STPG2: variants seen among roughly 807,000 people sequenced by gnomAD.
STPG2 encodes sperm-tail PG-rich repeat-containing protein 2.
Under a neutral mutation model 54.2 loss-of-function variants are expected in STPG2, and 56 were observed. That is an observed-to-expected ratio of 1.03 (90% CI 0.83 to 1.29). The LOEUF (loss-of-function observed/expected upper bound fraction) is 1.29. STPG2 is among the 50% of genes most tolerant of loss of function. STPG2 has a pLI of 0.00. For missense variants in STPG2, 596 were observed against 544.9 expected, an observed-to-expected ratio of 1.09 and a Z score of -0.93; for synonymous variants, 200 against 181.8, an observed-to-expected ratio of 1.10 and a Z score of -0.81.
intron 8 of STPG2, among the ~76,000 whole-genome samples, chr4:97,849,725 C>T (rs1206164654): frequency 1.3e-5 from 2 of 151,516 alleles, no homozygotes; most frequent in Non-Finnish European, 3.0e-5. Context: ...TATGAGATAC[C>T]ATCTCACACC....
At chr4:97,636,705 T>C (rs1252797948) in intron 10 of STPG2, among the ~76,000 whole-genome samples, 1 of 152,132 alleles carries the variant, frequency 6.6e-6, no homozygotes, top group Non-Finnish European at 1.5e-5. Context: ...CAGAGAAAAC[T>C]ACAAACACCT....
At position 97,548,854 on chromosome 4, in the gene STPG2, G is replaced by A. The variant is rs80022858; in HGVS notation, c.462+163845C>T. The stretch of plus-strand genomic sequence containing the variant: ...ATTTTTATTTACAATTTCTGACATT[G>A]CGCTATACTTAACTATTGACAATTT... On this transcript the variant is annotated intron_variant, in intron 4 of 4. Coordinates refer to the STPG2 transcript ENST00000522676. Among the ~76,000 whole-genome samples, 1,198 of 152,190 alleles carry A rather than the reference G, an allele frequency of 7.9e-3. 13 individuals carry two copies. The highest frequency in any genetic ancestry group is 0.027 in the African/African-American group (1,120 of 41,532).
intron 5 of STPG2, among the ~76,000 whole-genome samples, chr4:98,087,897 T>C (rs1452672773): frequency 6.6e-6 from 1 of 152,196 alleles, no homozygotes; most frequent in Non-Finnish European, 1.5e-5. Context: ...GTTTGGGATT[T>C]AAAATTAATA....
chr4:98,094,005 A>G (rs1220359525), intron 5 of STPG2, among the ~76,000 whole-genome samples: 1 of 152,150 alleles, frequency 6.6e-6, no homozygotes, highest in Admixed American at 6.5e-5. Flanking sequence ...TTTCTAGGCA[A>G]TTCATAGTAG....
chr4:97,908,253 C>T (rs1470422129), intron 8 of STPG2, among the ~76,000 whole-genome samples: 5 of 152,068 alleles, frequency 3.3e-5, no homozygotes, highest in Non-Finnish European at 7.4e-5. Context: ...AGCCAAAAAA[C>T]ACATGAAAAA....
At chr4:97,731,534 C>T (rs965372491) in intron 9 of STPG2, among the ~76,000 whole-genome samples, 9 of 152,102 alleles carry the variant, frequency 5.9e-5, no homozygotes, top group Non-Finnish European at 8.8e-5. Flanking sequence ...CTCATGCTTC[C>T]CCAACCAGGT....
intron 9 of STPG2, among the ~76,000 whole-genome samples, chr4:97,733,943 C>T (rs996016294): frequency 2.0e-5 from 3 of 152,152 alleles, no homozygotes; most frequent in African/African-American, 4.8e-5. Context: ...CAAAATCATG[C>T]CATCTGAAAG....
At chr4:97,906,092 G>C (rs532651897) in intron 8 of STPG2, among the ~76,000 whole-genome samples, 1 of 151,894 alleles carries the variant, frequency 6.6e-6, no homozygotes, top group African/African-American at 2.4e-5. Context: ...TTTTTTGAAA[G>C]GATCAACAAA....
rs140178797 is a variant in STPG2 at position 98,128,399 on chromosome 4, A to G, written c.387+29T>C. 3.8e-4 allele frequency: 571 copies of G among 1,518,058 alleles called. No individual in the cohort carries two copies. In the African/African-American group the frequency reaches 7.4e-3, roughly 20 times the overall value. 94.0% of individuals were successfully genotyped at this position (1,518,058 alleles called of 1,614,324 possible). A position where few individuals can be genotyped will look rare whatever the true frequency, so the allele number is the denominator to read the frequency against. ...TATGTAAATCATAAACAATTTTCCA[A>G]TTGTCAATATGAAATACATTATACT... is the stretch of plus-strand genomic sequence containing the variant. On this transcript the variant is annotated intron_variant, in intron 3 of 10. Transcript: ENST00000295268.
In STPG2 at chr4:97,746,178, T is replaced by C. The variant is rs530729300; in HGVS notation, c.1205-33364A>G. On this transcript the variant is annotated intron_variant, in intron 9 of 10. Transcript: ENST00000295268. Reference sequence around the variant, plus strand: ...AGAATTACAGACAGTATAATTACTTTATTGCTAAGCCTTCTATATATTCTA... The same window carrying C: ...AGAATTACAGACAGTATAATTACTTCATTGCTAAGCCTTCTATATATTCTA... Among the ~76,000 whole-genome samples the C allele has an allele frequency of 2.0e-5, 3 of 151,372 alleles. No individual in the cohort carries two copies. In the South Asian group the frequency reaches 6.2e-4, roughly 31 times the overall value.
intron 10 of STPG2, among the ~76,000 whole-genome samples, chr4:97,597,502 A>AAAATCCAGCAGTGATCAAAAAGC (rs1188357367): frequency 6.6e-5 from 10 of 152,066 alleles, no homozygotes; most frequent in Non-Finnish European, 1.3e-4. Flanking sequence ...TCTAGCAAAG[A>AAAATCCAGCAGTGATCAAAAAGC]AAATCCAGCA....
intron 10 of STPG2, among the ~76,000 whole-genome samples, chr4:97,565,906 C>T (rs1388137233): frequency 6.6e-6 from 1 of 152,204 alleles, no homozygotes; most frequent in African/African-American, 2.4e-5. Flanking sequence ...CTTGAGGAGG[C>T]AGTCTGCCCA....
intron 9 of STPG2, among the ~76,000 whole-genome samples, chr4:97,769,902 T>G (rs114286992): frequency 0.045 from 6,892 of 152,112 alleles, 209 homozygotes; most frequent in Middle Eastern, 0.075. Context: ...TAATAATAAA[T>G]AAATTAACAT....
intron 5 of STPG2, among the ~76,000 whole-genome samples, chr4:98,036,060 G>A (rs1736769092): frequency 6.6e-6 from 1 of 151,790 alleles, no homozygotes; most frequent in Non-Finnish European, 1.5e-5. Flanking sequence ...AAACCTACAT[G>A]TTCTGCACAT....
Position 97,463,138 on chromosome 4 carries a change from C to T in STPG2, c.462+249561G>A, listed in dbSNP as rs188168318. ...TCATGTTTTATTTTTGTTACCCTTG[C>T]TCTTCTGAAATATTATCCAGCTTTC... On this transcript the variant is annotated intron_variant, in intron 4 of 4. Coordinates refer to the STPG2 transcript ENST00000522676. Among the ~76,000 whole-genome samples the T allele has an allele frequency of 2.6e-5, 4 of 152,114 alleles. 1 individual carries two copies. The East Asian group carries it at 7.7e-4, about 29-fold the overall frequency.
chr4:98,134,403 A>G lies in STPG2; in HGVS notation c.166T>C (p.Ser56Pro), dbSNP rs775049476. 5.0e-5 allele frequency: 80 copies of G among 1,589,892 alleles called. 1 individual carries two copies. The highest frequency in any genetic ancestry group is 1.7e-6 in the Non-Finnish European group (2 of 1,165,892). Residue 56 changes from serine to proline, a missense_variant, in exon 2 of 11, where the codon TCT becomes CCT. Transcript: ENST00000295268. ...TARESTFTIA[S>P]SIEKAVPGPG... The stretch of plus-strand genomic sequence containing the variant: ...CCTGGAACAGCTTTCTCAATGCTAG[A>G]GGCAATGGTAAAAGTACTTTCTCTG...
At chr4:97,634,895 A>G (rs1376405974) in intron 10 of STPG2, among the ~76,000 whole-genome samples, 1 of 152,046 alleles carries the variant, frequency 6.6e-6, no homozygotes, top group Non-Finnish European at 1.5e-5. Context: ...GGGAGAATGG[A>G]ACCAAGTTGG....
intron 8 of STPG2, among the ~76,000 whole-genome samples, chr4:97,858,084 G>A (rs1195261982): frequency 6.6e-6 from 1 of 151,988 alleles, no homozygotes; most frequent in African/African-American, 2.4e-5. Context: ...AAGAGTTATT[G>A]GCCATACAGA....
At chr4:97,971,205 G>A (rs955639460) in intron 7 of STPG2, among the ~76,000 whole-genome samples, 1 of 152,142 alleles carries the variant, frequency 6.6e-6, no homozygotes. Flanking sequence ...ACTGTTGGTG[G>A]GAGTGTAAAT....
Sources: allele counts gnomAD v4.1 joint callset (sites outside exome capture counted in the v4.1 genomes callset), GRCh38; gene constraint gnomAD v4.1.1; transcripts MANE v1.5; gene names NCBI Gene and HGNC (gene_info 2026-07-23, HGNC 2026-07-21).